ADGRL3: variants seen among roughly 807,000 people sequenced by gnomAD.
The protein encoded by ADGRL3 is adhesion G protein-coupled receptor L3.
ADGRL3 carries 62 observed loss-of-function variants against 153.5 expected under a neutral mutation model. The ratio of observed to expected loss-of-function variants is 0.40; its 90% confidence interval spans 0.33 to 0.50. The LOEUF (loss-of-function observed/expected upper bound fraction) is 0.50. Among genes scored for constraint, ADGRL3 ranks in the 20% least tolerant of loss-of-function variants. The probability of loss-of-function intolerance (pLI) is 0.47; values close to 1 mark genes in which losing one functional copy is unlikely to be tolerated. For missense variants in ADGRL3, 1,641 were observed against 1,859.4 expected (o/e 0.88, Z 2.16); for synonymous variants, 710 against 672.5 (o/e 1.06, Z -0.86).
At chr4:61,747,876 G>A (rs2096690471) in intron 8 of ADGRL3, among the ~76,000 whole-genome samples, 1 of 151,928 alleles carries the variant, frequency 6.6e-6, no homozygotes, top group Non-Finnish European at 1.5e-5. Context: ...AGCAGGAGAA[G>A]GAAATAAAGG....
At chr4:61,677,073 T>C (rs920979192) in intron 6 of ADGRL3, 138 bp downstream of exon 6, 9 of 616,856 alleles carry the variant, frequency 1.5e-5, no homozygotes, top group Non-Finnish European at 2.6e-5. Flanking sequence ...TTTTTGAGAA[T>C]CATAGACCCT....
intron 13 of ADGRL3, among the ~76,000 whole-genome samples, chr4:61,923,177 T>G (rs895490904): frequency 7.2e-5 from 11 of 152,164 alleles, no homozygotes; most frequent in Non-Finnish European, 1.5e-4. Flanking sequence ...AGAGTCTGAG[T>G]GCTATTAAAA....
chr4:61,642,526 A>G (rs1342604388), intron 5 of ADGRL3, among the ~76,000 whole-genome samples: 77 of 152,076 alleles, frequency 5.1e-4, no homozygotes, highest in Non-Finnish European at 2.4e-4. Flanking sequence ...TTTTCCCAGC[A>G]CCATTTATTA....
At chr4:61,533,359 C>G (rs1411468656) in intron 4 of ADGRL3, among the ~76,000 whole-genome samples, 1 of 152,118 alleles carries the variant, frequency 6.6e-6, no homozygotes, top group African/African-American at 2.4e-5. Flanking sequence ...GACAGCACCT[C>G]TGGGCTGTGT....
Position 62,076,820 on chromosome 4 carries a change from A to G in ADGRL3, c.*5912A>G, listed in dbSNP as rs1747297592. The G allele has an allele frequency of 6.6e-6, 1 of 151,836 alleles. No homozygotes were observed. The highest frequency in any genetic ancestry group is 1.5e-5 in the Non-Finnish European group (1 of 67,836). 9.4% of individuals were successfully genotyped at this position (151,836 alleles called of 1,614,324 possible). ...AATCTGCTGGCTCTATTGAACACCAACAGAGTTAATGCTTTTAGTAGCTTT... is the reference window on the plus strand; with the variant it reads ...AATCTGCTGGCTCTATTGAACACCAGCAGAGTTAATGCTTTTAGTAGCTTT... On this transcript the variant is annotated 3_prime_UTR_variant, in exon 27 of 27. Transcript: ENST00000683033.
chr4:61,674,163 TAGATA>T (rs1256104046), intron 5 of ADGRL3, among the ~76,000 whole-genome samples: 5 of 149,380 alleles, frequency 3.3e-5, no homozygotes, highest in African/African-American at 9.7e-5. Flanking sequence ...GATAGATAGA[TAGATA>T]GATAGATAGA....
chr4:61,354,955 A>T (rs2096133543), intron 1 of ADGRL3, among the ~76,000 whole-genome samples: 2 of 152,088 alleles, frequency 1.3e-5, no homozygotes, highest in Non-Finnish European at 2.9e-5. Context: ...TCACAGGCTG[A>T]ATTGATTGGA....
chr4:61,550,616 T>A (rs1422876870), intron 4 of ADGRL3, among the ~76,000 whole-genome samples: 1 of 151,448 alleles, frequency 6.6e-6, no homozygotes, highest in Non-Finnish European at 1.5e-5. Flanking sequence ...TTTGAAGTAG[T>A]AGTCAAGCGA....
At chr4:61,393,313 A>G (rs561691075) in intron 2 of ADGRL3, among the ~76,000 whole-genome samples, 2 of 152,310 alleles carry the variant, frequency 1.3e-5, no homozygotes, top group East Asian at 3.9e-4. Flanking sequence ...AAAAATACTT[A>G]AAGAAAAACA....
At chr4:61,420,809 T>G (rs374980373) in intron 2 of ADGRL3, 2 of 72,860 alleles carry the variant, frequency 2.7e-5, no homozygotes, top group African/African-American at 8.8e-5. Flanking sequence ...AAAAAAAAAG[T>G]CTACTTACAT....
At chr4:62,003,033 G>A (rs569706212) in intron 21 of ADGRL3, among the ~76,000 whole-genome samples, 18 of 152,072 alleles carry the variant, frequency 1.2e-4, no homozygotes, top group Middle Eastern at 6.8e-3. Context: ...ATTAATTAAC[G>A]AATGTATTTC....
rs1196075859 is a variant in ADGRL3, at chr4:61,996,008, C to CT, written c.3237-272dup. 5.7e-4 allele frequency among the ~76,000 whole-genome samples: 84 copies of CT among 147,410 alleles called. 1 individual carries two copies. The highest frequency in any genetic ancestry group is 2.8e-3 in the South Asian group (13 of 4,658). Reference sequence around the variant, plus strand: ...TGTGTATGGCTTTTTCTTTCTTTATCTTTTTTTTTTTAAAAGTTTCTATGA... The same window carrying CT: ...TGTGTATGGCTTTTTCTTTCTTTATCTTTTTTTTTTTTAAAAGTTTCTATGA... On this transcript the variant is annotated intron_variant, in intron 19 of 26. Transcript: ENST00000683033.
chr4:61,973,110 G>A (rs2099035130), intron 17 of ADGRL3, among the ~76,000 whole-genome samples: 1 of 151,744 alleles, frequency 6.6e-6, no homozygotes. Context: ...TTTAAGATCT[G>A]TCTCTCTATC....
At chr4:61,287,425 A>G (rs2093980053) in intron 1 of ADGRL3, among the ~76,000 whole-genome samples, 2 of 151,938 alleles carry the variant, frequency 1.3e-5, no homozygotes, top group Non-Finnish European at 2.9e-5. Context: ...ATATGCTCTT[A>G]AAACAGTAGA....
intron 1 of ADGRL3, among the ~76,000 whole-genome samples, chr4:61,291,288 AT>A (rs1348263635): frequency 2.6e-5 from 4 of 151,678 alleles, no homozygotes; most frequent in Non-Finnish European, 5.9e-5. Context: ...AATCAAAAAT[AT>A]TTGGGAAAAA....
chr4:61,578,946 A>G (rs928720096), intron 4 of ADGRL3, among the ~76,000 whole-genome samples: 1 of 152,236 alleles, frequency 6.6e-6, no homozygotes, highest in East Asian at 1.9e-4. Flanking sequence ...CTTCTGGGTC[A>G]TCGGCCTATC....
intron 19 of ADGRL3, among the ~76,000 whole-genome samples, chr4:61,995,303 T>C (rs1283592223): frequency 2.0e-5 from 3 of 152,124 alleles, no homozygotes; most frequent in African/African-American, 7.2e-5. Context: ...AATATTGTAT[T>C]TATTCATTAC....
intron 8 of ADGRL3, among the ~76,000 whole-genome samples, chr4:61,753,776 C>A (rs1361033235): frequency 6.6e-6 from 1 of 152,140 alleles, no homozygotes. Flanking sequence ...ATAAGTCCAA[C>A]CCCATTAAAC....
At chr4:61,807,068 T>G (rs924646390) in intron 8 of ADGRL3, among the ~76,000 whole-genome samples, 75 of 152,242 alleles carry the variant, frequency 4.9e-4, no homozygotes, top group African/African-American at 1.7e-3. Context: ...TTGGGCTTCC[T>G]TTCCTTTAGC....
Sources: gnomAD v4.1 joint callset for allele counts (sites outside exome capture counted in the v4.1 genomes callset) on GRCh38, gnomAD v4.1.1 for gene constraint, MANE v1.5 for transcripts, NCBI Gene and HGNC (gene_info 2026-07-23, HGNC 2026-07-21) for gene names.